Variants in FKBP11 observed in about 807,000 individuals in gnomAD.
The protein encoded by FKBP11 is peptidyl-prolyl cis-trans isomerase FKBP11.
In FKBP11, 21 loss-of-function variants were observed where a neutral mutation model predicts 24.7. The ratio of observed to expected loss-of-function variants is 0.85; its 90% CI spans 0.60 to 1.23. The LOEUF (loss-of-function observed/expected upper bound fraction) is 1.23. Ranked by LOEUF, FKBP11 falls within the 50% of genes most tolerant of loss-of-function variation. FKBP11 has a pLI of 0.00. For missense variants in FKBP11, 245 were observed against 248.7 expected, an observed-to-expected ratio of 0.99 and a Z score of 0.10; for synonymous variants, 106 against 100.6, an observed-to-expected ratio of 1.05 and a Z score of -0.32.
upstream of FKBP11, chr12:48,931,466 G>C: frequency 2.0e-6 from 3 of 1,535,888 alleles, no homozygotes; most frequent in East Asian, 2.4e-5. Flanking sequence ...CTTTTTCCTT[G>C]GATCAAGTTA....
the FKBP11 span, among the ~76,000 whole-genome samples, chr12:48,935,335 C>T: frequency 6.6e-6 from 1 of 152,146 alleles, no homozygotes; most frequent in Non-Finnish European, 1.5e-5. Context: ...ATATGCTTCA[C>T]ACTGGTACTT....
chr12:48,937,454 G>A, the FKBP11 span: 1 of 152,586 alleles, frequency 6.6e-6, no homozygotes, highest in Non-Finnish European at 1.5e-5. Flanking sequence ...CAGACAGAGA[G>A]ACGCAGTAGC....
Position 48,922,251 on chromosome 12 carries a change from G to A in FKBP11, c.389-50C>T, listed in dbSNP as rs768953774. On this transcript the variant is annotated intron_variant, in intron 5 of 5. Transcript: ENST00000550765. ...GGTTAGACTCTCTGCATTTTATCCA[G>A]GGCTCAGAATCTGAATGAAAATAGG... 2.0e-6 allele frequency: 3 copies of A among 1,531,704 alleles called. No homozygotes were observed. The Admixed American group carries it at 5.3e-5, about 27-fold the overall frequency. The allele number at this position is 1,531,704 out of a possible 1,614,324, so 94.9% of individuals were successfully genotyped here. A position where few individuals can be genotyped will look rare whatever the true frequency, so the allele number is the denominator to read the frequency against.
upstream of FKBP11, among the ~76,000 whole-genome samples, chr12:48,929,958 A>G (rs1326382812): frequency 2.0e-5 from 3 of 152,132 alleles, no homozygotes; most frequent in Non-Finnish European, 4.4e-5. Flanking sequence ...ACTTGTGGAC[A>G]TTATTATATT....
chr12:48,932,200 T>A, the FKBP11 span, among the ~76,000 whole-genome samples: 3 of 127,280 alleles, frequency 2.4e-5, no homozygotes, highest in East Asian at 2.2e-4. Flanking sequence ...AAACATATAA[T>A]TGTATATATA....
At chr12:48,933,383 A>G in the FKBP11 span, among the ~76,000 whole-genome samples, 8 of 152,202 alleles carry the variant, frequency 5.3e-5, no homozygotes, top group African/African-American at 1.7e-4. Context: ...TGGCTCTCCT[A>G]CCTTCACACT....
chr12:48,938,746 A>G, the FKBP11 span: 1 of 642,888 alleles, frequency 1.6e-6, no homozygotes, highest in Non-Finnish European at 2.7e-6. Flanking sequence ...ACTCATCATC[A>G]GGACAGCAAT....
Position 48,922,766 on chromosome 12 carries a change from G to T in FKBP11, c.389-565C>A, listed in dbSNP as rs551520965. On this transcript the variant is annotated intron_variant, in intron 5 of 5. Transcript: ENST00000550765. Reference sequence around the variant, plus strand: ...GGTACAAATAAGCAGCACTGGGAATGGGGAGGTAATAGGGCTTTGGGTAAA... The same window carrying T: ...GGTACAAATAAGCAGCACTGGGAATTGGGAGGTAATAGGGCTTTGGGTAAA... The T allele has an allele frequency of 3.3e-5, 33 of 1,001,466 alleles. No homozygotes were observed. In the South Asian group the frequency reaches 1.2e-3, roughly 37 times the overall value. The allele number at this position is 1,001,466 out of a possible 1,614,324, so 62.0% of individuals were successfully genotyped here.
rs1339465200 is a variant in FKBP11 at position 48,922,039 on chromosome 12, T to A, written c.551A>T (p.Lys184Ile). The change falls in exon 6 of 6, where the codon AAA becomes ATA. Residue 184 changes from lysine (K) to isoleucine (I), a missense_variant. Lys to Ile is a moderately radical substitution (Grantham distance 102). Transcript: ENST00000550765. ...TTCCTTGAGCTTCTTTTTGGAGACTTTGGGTCTATTGGCCTTTCTGTATAG... is the reference window on the plus strand; with the variant it reads ...TTCCTTGAGCTTCTTTTTGGAGACTATGGGTCTATTGGCCTTTCTGTATAG... ...YHLYRKANRP[K>I]VSKKKLKEEK... 3.1e-6 allele frequency: 5 copies of A among 1,613,872 alleles called. No individual in the cohort carries two copies. The highest frequency in any genetic ancestry group is 4.2e-6 in the Non-Finnish European group (5 of 1,179,874).
intron 4 of FKBP11, 48 bp from the exon 5 acceptor site, chr12:48,923,900 A>G: frequency 1.3e-6 from 2 of 1,568,084 alleles, no homozygotes; most frequent in Middle Eastern, 3.3e-4. Flanking sequence ...GAGGTAGGCC[A>G]GCAGCCTCAG....
the FKBP11 span, among the ~76,000 whole-genome samples, chr12:48,935,305 G>T: frequency 6.6e-6 from 1 of 152,158 alleles, no homozygotes; most frequent in Admixed American, 6.6e-5. Context: ...AGGCAGCAGG[G>T]AAGTAACTGA....
chr12:48,924,814 C>T (rs1939921418), intron 2 of FKBP11, 166 bp from the exon 3 acceptor site: 1 of 1,451,936 alleles, frequency 6.9e-7, no homozygotes, highest in Non-Finnish European at 9.0e-7. Context: ...TGGCGCTTCT[C>T]GGAGATCTCT....
At chr12:48,928,616 A>ACTAGG (rs1385163587), upstream of FKBP11, among the ~76,000 whole-genome samples, 1 of 151,768 alleles carries the variant, frequency 6.6e-6, no homozygotes, top group African/African-American at 2.4e-5. Context: ...AGTAGCTGGG[A>ACTAGG]CTACAGGTGT....
At chr12:48,924,430 C>T in intron 3 of FKBP11, 131 bp downstream of exon 3, 1 of 1,134,950 alleles carries the variant, frequency 8.8e-7, no homozygotes, top group Non-Finnish European at 1.3e-6. Flanking sequence ...GTTTGAACCT[C>T]AGGAGGTAAC....
At chr12:48,923,527 C>T (rs1278927630) in intron 5 of FKBP11, 1 of 1,551,222 alleles carries the variant, frequency 6.4e-7, no homozygotes, top group South Asian at 1.2e-5. Flanking sequence ...CCCATGTGGC[C>T]CAAGCAGGTC....
chr12:48,932,161 A>G, the FKBP11 span, among the ~76,000 whole-genome samples: 4 of 118,548 alleles, frequency 3.4e-5, no homozygotes, highest in East Asian at 1.1e-3. Flanking sequence ...TTTTAAATAA[A>G]AGTAAAAATA....
Position 48,922,216 on chromosome 12 carries a change from G to T in FKBP11, c.389-15C>A. Reference sequence around the variant, plus strand: ...CACTGCATCCGCTGGAGAGGCAGAGGGGTGGAGAGGGTTAGACTCTCTGCA... The same window carrying T: ...CACTGCATCCGCTGGAGAGGCAGAGTGGTGGAGAGGGTTAGACTCTCTGCA... On this transcript the variant is annotated splice_polypyrimidine_tract_variant and intron_variant, in intron 5 of 5. Transcript: ENST00000550765. 1.2e-6 allele frequency: 2 copies of T among 1,605,170 alleles called. No homozygotes were observed. The highest frequency in any genetic ancestry group is 1.7e-6 in the Non-Finnish European group (2 of 1,173,306).
At chr12:48,924,824 T>G in intron 2 of FKBP11, 176 bp from the exon 3 acceptor site, 1 of 1,450,058 alleles carries the variant, frequency 6.9e-7, no homozygotes, top group Non-Finnish European at 9.0e-7. Context: ...CGGAGATCTC[T>G]CCACCCTGCA....
chr12:48,928,043 C>CTTTTTTTTTTTTTTTTTTTTTTTTTT (rs34076093), upstream of FKBP11, among the ~76,000 whole-genome samples: 2 of 88,470 alleles, frequency 2.3e-5, no homozygotes, highest in Non-Finnish European at 4.1e-5. Flanking sequence ...TGCCAGATAC[C>CTTTTTTTTTTTTTTTTTTTTTTTTTT]TTTTTTTTTT....
Sources: allele counts gnomAD v4.1 joint callset (sites outside exome capture counted in the v4.1 genomes callset), GRCh38; gene constraint gnomAD v4.1.1; transcripts MANE v1.5; gene names NCBI Gene and HGNC (gene_info 2026-07-23, HGNC 2026-07-21).